Variants in DCHS1 observed in about 807,000 individuals in gnomAD.
The protein encoded by DCHS1 is protocadherin-16.
A neutral mutation model predicts 213.9 loss-of-function variants in DCHS1; 78 were observed. That is an observed-to-expected ratio of 0.36 (90% CI 0.30 to 0.44). The LOEUF (loss-of-function observed/expected upper bound fraction) is 0.44, where lower values mean the gene tolerates loss of function less well. DCHS1 is among the 20% of genes least tolerant of loss of function. The pLI, the probability that DCHS1 is intolerant of heterozygous loss-of-function variation, is 1.00. For synonymous variants in DCHS1, 1,828 were observed against 1,873.7 expected (o/e 0.98, Z 0.63); for missense variants, 3,946 against 4,395.9 (o/e 0.90, Z 2.89).
rs778012430 is a variant in DCHS1, at chr11:6,621,948, C to G, written c.9728G>C (p.Gly3243Ala). 83 of 1,613,044 alleles carry G rather than the reference C, an allele frequency of 5.1e-5. No homozygotes were observed. The highest frequency in any genetic ancestry group is 6.4e-5 in the Non-Finnish European group (75 of 1,179,694). ...GGACATGGCAGCTGAGGACAGGGAG[C>G]CTTCATGGCTGATGGGGGAGCGGTG... The part of the protein sequence containing the change: ...ASHRSPISHE[G>A]SLSSAAMSPS... Residue 3243 changes from glycine to alanine, a missense_variant, in exon 21 of 21, where the codon GGC (glycine) becomes GCC (alanine). Gly to Ala is a moderately conservative substitution (Grantham distance 60, BLOSUM62 0). Transcript: ENST00000299441.
rs1855955081 is a variant in DCHS1, at chr11:6,634,119, C to G, written c.1985G>C (p.Gly662Ala). The G allele has an allele frequency of 6.2e-7, 1 of 1,602,180 alleles. No homozygotes were observed. Among genetic ancestry groups the G allele is most frequent in the African/African-American group, 1.3e-5 (1 of 74,798 alleles). The change falls in exon 3 of 21, where the codon GGG becomes GCG. Residue 662 changes from glycine to alanine, a missense_variant and splice_region_variant. Physicochemically the swap from Gly to Ala is moderately conservative, Grantham distance 60. Around this residue, in one of 3 missense-constraint regions of DCHS1, gnomAD observed 3,384 missense variants for 3,780.1 expected, o/e 0.90. Transcript: ENST00000299441. ...CCTGCCCTTGGTCTACTGACTTACC[C>G]CATCCACAGCTGTCACTGTGAAGTC... ...SFDFTVTAVD[G>A]GGLKSMVYVK...
At position 6,623,168 on chromosome 11, in the gene DCHS1, C is replaced by T; in HGVS notation, c.8508G>A (p.Gln2836=). 2 of 1,608,232 alleles carry T rather than the reference C, an allele frequency of 1.2e-6. No homozygotes were observed. The highest frequency in any genetic ancestry group is 1.7e-6 in the Non-Finnish European group (2 of 1,177,324). The part of the protein sequence containing the change: ...ARRGHSLGHV[Q]ATDEDGGADG... ...CGGCACCCCCATCCTCATCTGTGGC[C>T]TGCACGTGACCCAAGCTGTGGCCAC... Residue 2836 remains glutamine, a synonymous_variant, in exon 21 of 21, where the codon CAG becomes CAA. Transcript: ENST00000299441.
At position 6,631,379 on chromosome 11, in the gene DCHS1, A is replaced by T. The variant is rs769081504; in HGVS notation, c.3704T>A (p.Leu1235Gln). The T allele has an allele frequency of 3.1e-6, 5 of 1,613,864 alleles. No individual in the cohort carries two copies. The Admixed American group carries it at 6.7e-5, about 22-fold the overall frequency. Residue 1235 changes from leucine (L) to glutamine (Q), a missense_variant, in exon 8 of 21, where the codon CTG becomes CAG. Around this residue, in one of 3 missense-constraint regions of DCHS1, gnomAD observed 3,384 missense variants for 3,780.1 expected, o/e 0.90. Coordinates refer to ENST00000299441, the MANE Select transcript of DCHS1 (RefSeq NM_003737.4). ...QVPDRVPPGT[L>Q]VTTLQAKDPD... The stretch of plus-strand genomic sequence containing the variant: ...ATCCTTCGCCTGCAGAGTCGTCACC[A>T]GTGTTCCCGGAGGCACGCGGTCTGG...
At position 6,640,854 on chromosome 11, in the gene DCHS1, C is replaced by A. The variant is rs1450376221; in HGVS notation, c.760G>T (p.Ala254Ser). 2.1e-5 allele frequency: 34 copies of A among 1,613,936 alleles called. No homozygotes were observed. The highest frequency in any genetic ancestry group is 2.7e-5 in the Non-Finnish European group (32 of 1,179,906). ...TLLDINDHAP[A>S]FNQSRYHAVV... ...GCATGGTAGCGGCTCTGATTGAAAG[C>A]CGGGGCATGGTCATTGATGTCCAGC... Residue 254 changes from alanine (A) to serine (S), a missense_variant, in exon 2 of 21, where the codon GCT (alanine) becomes TCT (serine). Physicochemically the swap from Ala to Ser is moderately conservative, Grantham distance 99. Coordinates refer to ENST00000299441, the MANE Select transcript of DCHS1 (RefSeq NM_003737.4). This position sits in a 1 kb window ranked among gnomAD's most constrained non-coding sequence, Gnocchi z 6.5.
At chr11:6,639,795 G>C in intron 2 of DCHS1, 22 bp downstream of exon 2, 1 of 1,556,944 alleles carries the variant, frequency 6.4e-7, no homozygotes, top group East Asian at 2.3e-5. Flanking sequence ...ACACTATCTT[G>C]CTATGTGCCA....
chr11:6,645,806 C>A (rs1177883624), intron 1 of DCHS1, among the ~76,000 whole-genome samples: 2 of 152,166 alleles, frequency 1.3e-5, no homozygotes, highest in Non-Finnish European at 2.9e-5. Flanking sequence ...CACTGCCTGG[C>A]ACTCTCTCTC....
chr11:6,650,419 G>A (rs1159554701), intron 1 of DCHS1, among the ~76,000 whole-genome samples: 1 of 152,164 alleles, frequency 6.6e-6, no homozygotes, highest in Non-Finnish European at 1.5e-5. Flanking sequence ...AAGGAAGGGG[G>A]GTCAGCAGGA....
chr11:6,633,390 T>A, intron 5 of DCHS1, 22 bp downstream of exon 5: 1 of 1,545,580 alleles, frequency 6.5e-7, no homozygotes, highest in Non-Finnish European at 8.8e-7. Context: ...TGACACCAAG[T>A]GGGTATAAAG....
chr11:6,622,285 C>T lies in DCHS1; in HGVS notation c.9391G>A (p.Gly3131Arg), dbSNP rs1855708044. 2 of 1,607,018 alleles carry T rather than the reference C, an allele frequency of 1.2e-6. No individual in the cohort carries two copies. Among genetic ancestry groups the T allele is most frequent in the Non-Finnish European group, 1.7e-6 (2 of 1,177,248 alleles). Residue 3131 changes from glycine (G) to arginine (R), a missense_variant, in exon 21 of 21, where the codon GGG becomes AGG. Transcript: ENST00000299441. The surrounding 1 kb of genome is among the most constrained non-coding windows in gnomAD (Gnocchi z 5.4). ...CCATCTGCTGGGAAGCCATAGTCCC[C>T]AGTGGGTGCAGGGCTCAGGCCACAG... ...GGCGLSPAPT[G>R]DYGFPADGKP...
At chr11:6,643,339 C>T (rs1358665249) in intron 1 of DCHS1, among the ~76,000 whole-genome samples, 2 of 152,204 alleles carry the variant, frequency 1.3e-5, no homozygotes, top group African/African-American at 2.4e-5. Flanking sequence ...TTCTCACACT[C>T]TCCTCCCTCT....
rs777487769 is a variant in DCHS1, at chr11:6,627,108, A to G, written c.5931T>C (p.Ser1977=). 9 of 1,613,090 alleles carry G rather than the reference A, an allele frequency of 5.6e-6. No homozygotes were observed. Among genetic ancestry groups the G allele is most frequent in the Middle Eastern group, 3.3e-4 (2 of 6,060 alleles). The change falls in exon 14 of 21, where the codon AGT becomes AGC. Residue 1977 remains serine (S), a synonymous_variant. Coordinates refer to ENST00000299441, the MANE Select transcript of DCHS1 (RefSeq NM_003737.4). This position sits in a 1 kb window ranked among gnomAD's most constrained non-coding sequence, Gnocchi z 5.4. ...GTGTGGCCAGAGCCAGGGTTGGGGT[A>G]CTGAAGCTGGGGCCTGGGCGGGGCA... is the stretch of plus-strand genomic sequence containing the variant. ...LRLPRPGPSF[S]TPTLALATLR...
Position 6,626,002 on chromosome 11 carries a change from G to T in DCHS1, c.6649C>A (p.Arg2217Ser), listed in dbSNP as rs768742298. Residue 2217 changes from arginine (R) to serine (S), a missense_variant, in exon 17 of 21, where the codon CGT (arginine) becomes AGT (serine). Arg to Ser is a moderately radical substitution (Grantham distance 110, BLOSUM62 -1). Transcript: ENST00000299441. This position sits in a 1 kb window ranked among gnomAD's most constrained non-coding sequence, Gnocchi z 5.2. ...SYSLAASQPARGLFHVDPTTG... is the reference protein window; with the variant it reads ...SYSLAASQPASGLFHVDPTTG... The stretch of plus-strand genomic sequence containing the variant: ...GTTGGGTCTACGTGGAACAATCCAC[G>T]TGCCGGCTGGGATGCAGCCAGACTG... 6.2e-7 allele frequency: 1 copy of T among 1,613,072 alleles called. No individual in the cohort carries two copies.
chr11:6,645,751 C>T (rs16916537), intron 1 of DCHS1, among the ~76,000 whole-genome samples: 186 of 152,260 alleles, frequency 1.2e-3, no homozygotes, highest in African/African-American at 4.3e-3. Context: ...AACACTTTCA[C>T]GGTGGACACG....
chr11:6,652,434 GAAGAA>G (rs1363774367), intron 1 of DCHS1, among the ~76,000 whole-genome samples: 1 of 152,238 alleles, frequency 6.6e-6, no homozygotes, highest in Non-Finnish European at 1.5e-5. Flanking sequence ...ATGTGACAGT[GAAGAA>G]AAGTGAGGAA....
At chr11:6,637,864 A>G (rs1159724622) in intron 2 of DCHS1, among the ~76,000 whole-genome samples, 1 of 152,180 alleles carries the variant, frequency 6.6e-6, no homozygotes, top group African/African-American at 2.4e-5. Context: ...TAATACAGTG[A>G]CTAGCACATG....
At chr11:6,654,484 G>GTA (rs1856286892) in intron 1 of DCHS1, among the ~76,000 whole-genome samples, 1 of 152,164 alleles carries the variant, frequency 6.6e-6, no homozygotes, top group Admixed American at 6.5e-5. Flanking sequence ...GTCTTCCATG[G>GTA]TATGTGTTGG....
At position 6,646,679 on chromosome 11, in the gene DCHS1, C is replaced by T. The variant is rs141028054; in HGVS notation, c.-120-4946G>A. On this transcript the variant is annotated intron_variant, in intron 1 of 20. Coordinates refer to ENST00000299441, the MANE Select transcript of DCHS1 (RefSeq NM_003737.4). ...TACGTGCCCTCACTCTGTCCCCGGT[C>T]CTGCTACTTGGTCCTCTGACTCCAT... 9.6e-3 allele frequency among the ~76,000 whole-genome samples: 1,468 copies of T among 152,326 alleles called. 13 individuals carry two copies. The highest frequency in any genetic ancestry group is 0.016 in the Non-Finnish European group (1,122 of 68,024).
Position 6,632,499 on chromosome 11 carries a change from A to G in DCHS1, c.3013T>C (p.Tyr1005His), listed in dbSNP as rs1322585195. The part of the protein sequence containing the change: ...GLAPRFNSPT[Y>H]RVDLPSGTTA... Reference sequence around the variant, plus strand: ...GTGCCTGAGGGCAGGTCCACACGGTAGGTAGGGCTGTTGAATCGGGGAGCC... The same window carrying G: ...GTGCCTGAGGGCAGGTCCACACGGTGGGTAGGGCTGTTGAATCGGGGAGCC... The change falls in exon 6 of 21, where the codon TAC becomes CAC. Residue 1005 changes from tyrosine to histidine, a missense_variant. This residue lies in a region of DCHS1 where 3,384 missense variants were observed against 3,780.1 expected (regional missense o/e 0.90). Coordinates refer to ENST00000299441, the MANE Select transcript of DCHS1 (RefSeq NM_003737.4). The surrounding 1 kb of genome is among the most constrained non-coding windows in gnomAD (Gnocchi z 5.9). 1 of 1,564,494 alleles carries G rather than the reference A, an allele frequency of 6.4e-7. No homozygotes were observed. The highest frequency in any genetic ancestry group is 8.7e-7 in the Non-Finnish European group (1 of 1,153,540).
At position 6,655,515 on chromosome 11, in the gene DCHS1, G is replaced by A. The variant is rs1167032019; in HGVS notation, c.-121+48C>T. On this transcript the variant is annotated intron_variant, in intron 1 of 20. Coordinates refer to ENST00000299441, the MANE Select transcript of DCHS1 (RefSeq NM_003737.4). The stretch of plus-strand genomic sequence containing the variant: ...CTGCCGCAGCCCAGGGGAGGCCGGC[G>A]GGCAGGGCGGGCGCGGCCAGACGGG... 1.4e-5 allele frequency: 14 copies of A among 968,068 alleles called. No individual in the cohort carries two copies. In the East Asian group the frequency reaches 1.1e-3, roughly 73 times the overall value. 60.0% of individuals were successfully genotyped at this position (968,068 alleles called of 1,614,324 possible).
Sources: allele counts gnomAD v4.1 joint callset (sites outside exome capture counted in the v4.1 genomes callset), GRCh38; gene constraint gnomAD v4.1.1; regional missense constraint gnomAD v4.1.1; non-coding constraint Gnocchi (gnomAD v3.1); transcripts MANE v1.5; gene names NCBI Gene and HGNC (gene_info 2026-07-23, HGNC 2026-07-21).